Variants in CPXM2 observed in about 807,000 individuals in gnomAD.
CPXM2 encodes carboxypeptidase X, M14 family member 2.
In CPXM2, 66 loss-of-function variants were observed where a neutral mutation model predicts 86.1. The ratio of observed to expected loss-of-function variants is 0.77; its 90% CI spans 0.63 to 0.94. The LOEUF is 0.94. Among genes scored for constraint, CPXM2 ranks in the 40% least tolerant of loss-of-function variants. The pLI, the probability that CPXM2 is intolerant of heterozygous loss-of-function variation, is 0.00. For missense variants in CPXM2, 948 were observed against 1,026.3 expected, an observed-to-expected ratio of 0.92 and a Z score of 1.04; for synonymous variants, 388 against 400.2, an observed-to-expected ratio of 0.97 and a Z score of 0.36.
chr10:123,821,150 A>G (rs1019444533), intron 4 of CPXM2, among the ~76,000 whole-genome samples: 1 of 152,232 alleles, frequency 6.6e-6, no homozygotes, highest in Non-Finnish European at 1.5e-5. Context: ...TTCAACAAAT[A>G]GAAAGCTTAG....
chr10:123,871,129 G>A lies in CPXM2; in HGVS notation c.404-8406C>T, dbSNP rs148938427. On this transcript the variant is annotated intron_variant, in intron 2 of 13. Transcript: ENST00000241305. ...CTCCTTCTTAAATGTCCAGCTCAGG[G>A]GCTGTTCTGTCTGAAAAGCCTCCCA... Among the ~76,000 whole-genome samples, 764 of 152,248 alleles carry A rather than the reference G, an allele frequency of 5.0e-3. 9 individuals are homozygous for A. Among genetic ancestry groups the A allele is most frequent in the African/African-American group, 0.017 (697 of 41,522 alleles).
chr10:123,883,420 C>T (rs1352699823), intron 1 of CPXM2, among the ~76,000 whole-genome samples: 3 of 152,248 alleles, frequency 2.0e-5, no homozygotes, highest in Non-Finnish European at 2.9e-5. Context: ...CACCTCTCTA[C>T]ACTTCAGTTC....
intron 4 of CPXM2, among the ~76,000 whole-genome samples, chr10:123,836,439 GC>G (rs1401198986): frequency 6.6e-6 from 1 of 151,916 alleles, no homozygotes; most frequent in African/African-American, 2.4e-5. Context: ...CACAGTTTGT[GC>G]CACCAGTGCC....
At chr10:123,760,549 T>C (rs905677498) in intron 11 of CPXM2, among the ~76,000 whole-genome samples, 3 of 152,196 alleles carry the variant, frequency 2.0e-5, no homozygotes, top group Non-Finnish European at 4.4e-5. Context: ...TTCAAAAGTA[T>C]GTGAAGGCTG....
At chr10:123,785,356 C>T (rs960747080) in intron 6 of CPXM2, among the ~76,000 whole-genome samples, 1 of 152,188 alleles carries the variant, frequency 6.6e-6, no homozygotes, top group Admixed American at 6.5e-5. Context: ...TCTCACTGCC[C>T]CGGTTTCCTC....
chr10:123,775,305 G>A (rs1053073662), intron 7 of CPXM2, among the ~76,000 whole-genome samples: 3 of 152,156 alleles, frequency 2.0e-5, no homozygotes, highest in African/African-American at 4.8e-5. Context: ...CAACAGCATC[G>A]ACCTTAGCAA....
rs1376129999 is a variant in CPXM2 at position 123,746,172 on chromosome 10, T to A, written c.*592A>T. The A allele has an allele frequency of 1.3e-5, 2 of 152,658 alleles. No homozygotes were observed. Among genetic ancestry groups the A allele is most frequent in the Non-Finnish European group, 2.9e-5 (2 of 68,512 alleles). The allele number at this position is 152,658 out of a possible 1,614,324, so 9.5% of individuals were successfully genotyped here. A position where few individuals can be genotyped will look rare whatever the true frequency, so the allele number is the denominator to read the frequency against. ...TCCTTTTCTGAACACACTCCTTTGTTGAAAAAGGAGACTAAACAGATTCAA... is the reference window on the plus strand; with the variant it reads ...TCCTTTTCTGAACACACTCCTTTGTAGAAAAAGGAGACTAAACAGATTCAA... On this transcript the variant is annotated 3_prime_UTR_variant, in exon 14 of 14. Transcript: ENST00000241305.
intron 3 of CPXM2, among the ~76,000 whole-genome samples, chr10:123,856,839 G>A (rs1848734888): frequency 6.6e-6 from 1 of 152,124 alleles, no homozygotes; most frequent in African/African-American, 2.4e-5. Flanking sequence ...TGATCCACCC[G>A]CCTCGGCCTC....
intron 4 of CPXM2, among the ~76,000 whole-genome samples, chr10:123,838,978 C>G (rs1289082542): frequency 6.6e-6 from 1 of 152,186 alleles, no homozygotes; most frequent in East Asian, 1.9e-4. Context: ...TGCAAAGCAG[C>G]TTTCTCTGTC....
At chr10:123,817,720 G>A (rs112569759) in intron 4 of CPXM2, among the ~76,000 whole-genome samples, 291 of 152,298 alleles carry the variant, frequency 1.9e-3, no homozygotes, top group Middle Eastern at 3.4e-3. Flanking sequence ...AGACTGCATC[G>A]ATAGCCTCAT....
At position 123,747,764 on chromosome 10, in the gene CPXM2, G is replaced by A. The variant is rs919684430; in HGVS notation, c.2018-747C>T. 2.0e-4 allele frequency among the ~76,000 whole-genome samples: 30 copies of A among 152,030 alleles called. 1 individual carries two copies. The South Asian group carries it at 5.8e-3, about 30-fold the overall frequency. ...ACGGTGGTTCATGCCTGTAATCTCA[G>A]CACTTTGGGAGGCTGGGTGTGGTGG... On this transcript the variant is annotated intron_variant, in intron 13 of 13. Coordinates refer to ENST00000241305, the MANE Select transcript of CPXM2 (RefSeq NM_198148.3).
At position 123,826,391 on chromosome 10, in the gene CPXM2, A is replaced by C. The variant is rs151195029; in HGVS notation, c.653+15958T>G. ...TACTGTGCTACTAACAGCAGAAGAA[A>C]GGGAAGGGAAGTTGAAAGATATCAA... On this transcript the variant is annotated intron_variant, in intron 4 of 13. Transcript: ENST00000241305. 1.2e-3 allele frequency among the ~76,000 whole-genome samples: 186 copies of C among 152,318 alleles called. 1 individual carries two copies. Among genetic ancestry groups the C allele is most frequent in the African/African-American group, 4.0e-3 (167 of 41,568 alleles).
At chr10:123,780,032 T>C in intron 7 of CPXM2, 135 bp downstream of exon 7, 3 of 653,010 alleles carry the variant, frequency 4.6e-6, no homozygotes, top group Admixed American at 4.3e-5. Context: ...ATTTAGTGTG[T>C]CTTCAGCAAA....
chr10:123,889,497 G>A (rs1030573489), intron 1 of CPXM2, among the ~76,000 whole-genome samples: 1 of 152,116 alleles, frequency 6.6e-6, no homozygotes, highest in Non-Finnish European at 1.5e-5. Context: ...GAAGAGGAAC[G>A]TCTTGCTCTC....
At chr10:123,883,813 T>C (rs552384610) in intron 1 of CPXM2, among the ~76,000 whole-genome samples, 94 of 152,198 alleles carry the variant, frequency 6.2e-4, no homozygotes, top group African/African-American at 2.2e-3. Context: ...CCCCCCTTCA[T>C]AGCCCCTTCC....
At chr10:123,908,090 C>A (rs1945458796) in intron 2 of CPXM2, among the ~76,000 whole-genome samples, 1 of 152,042 alleles carries the variant, frequency 6.6e-6, no homozygotes, top group Admixed American at 6.6e-5. Flanking sequence ...TGCTGGTAGA[C>A]CAGTCTGGGG....
At chr10:123,752,134 T>A (rs1307127674) in intron 13 of CPXM2, 2 of 985,366 alleles carry the variant, frequency 2.0e-6, no homozygotes, top group East Asian at 1.1e-4. Flanking sequence ...ACAAATCCTA[T>A]GCAGAACCAC....
At chr10:123,757,584 T>G (rs565838354) in intron 11 of CPXM2, among the ~76,000 whole-genome samples, 1 of 152,346 alleles carries the variant, frequency 6.6e-6, no homozygotes, top group South Asian at 2.1e-4. Flanking sequence ...GACAGACACA[T>G]GGAAGTGTGT....
chr10:123,838,921 A>G (rs1256463671), intron 4 of CPXM2, among the ~76,000 whole-genome samples: 2 of 152,200 alleles, frequency 1.3e-5, no homozygotes, highest in Non-Finnish European at 2.9e-5. Context: ...TGTGAGGGAG[A>G]AGAGGGGAGG....
Sources: allele counts gnomAD v4.1 joint callset (sites outside exome capture counted in the v4.1 genomes callset), GRCh38; gene constraint gnomAD v4.1.1; transcripts MANE v1.5; gene names NCBI Gene and HGNC (gene_info 2026-07-23, HGNC 2026-07-21).